Variants in FUT9 observed in about 807,000 individuals in gnomAD.
FUT9 encodes fucosyltransferase 9.
A neutral mutation model predicts 29.7 loss-of-function variants in FUT9; 15 were observed. That is an observed-to-expected ratio of 0.51 (90% CI 0.34 to 0.78). The LOEUF (loss-of-function observed/expected upper bound fraction) is 0.78. FUT9 is among the 30% of genes least tolerant of loss of function. The pLI is 0.01. For synonymous variants in FUT9, 169 were observed against 153.7 expected, an observed-to-expected ratio of 1.10 and a Z score of -0.74; for missense variants, 319 against 425.4, an observed-to-expected ratio of 0.75 and a Z score of 2.20.
At chr6:96,128,239 C>A (rs1410855017) in intron 2 of FUT9, among the ~76,000 whole-genome samples, 2 of 151,912 alleles carry the variant, frequency 1.3e-5, no homozygotes, top group Non-Finnish European at 2.9e-5. Flanking sequence ...AATGTTCCCC[C>A]CAAAATTAGA....
At chr6:96,145,302 C>T (rs993415065) in intron 2 of FUT9, among the ~76,000 whole-genome samples, 6 of 152,064 alleles carry the variant, frequency 3.9e-5, no homozygotes, top group East Asian at 1.9e-4. Flanking sequence ...GTGATCCGCC[C>T]GCCTCGGCCT....
At chr6:96,133,991 G>C (rs1772300047) in intron 2 of FUT9, among the ~76,000 whole-genome samples, 3 of 151,532 alleles carry the variant, frequency 2.0e-5, no homozygotes, top group African/African-American at 4.8e-5. Context: ...ATATCCTTAA[G>C]TACTTCTTTT....
chr6:96,153,881 G>A (rs1434287479), intron 2 of FUT9, among the ~76,000 whole-genome samples: 1 of 152,120 alleles, frequency 6.6e-6, no homozygotes, highest in Non-Finnish European at 1.5e-5. Context: ...CTTTTGCTAA[G>A]TAATGGCCAG....
intron 2 of FUT9, among the ~76,000 whole-genome samples, chr6:96,160,964 G>A (rs913568940): frequency 2.0e-5 from 3 of 152,212 alleles, no homozygotes; most frequent in Middle Eastern, 3.4e-3. Flanking sequence ...TTTTGAAAAC[G>A]TGAATTGTAA....
rs546603533 is a variant in FUT9 at position 96,193,842 on chromosome 6, G to T, written c.-8-9306G>T. 2.6e-4 allele frequency among the ~76,000 whole-genome samples: 40 copies of T among 152,284 alleles called. 1 individual carries two copies. Among genetic ancestry groups the T allele is most frequent in the Admixed American group, 1.9e-3 (29 of 15,302 alleles). On this transcript the variant is annotated intron_variant, in intron 2 of 2. Coordinates refer to ENST00000302103, the MANE Select transcript of FUT9 (RefSeq NM_006581.4). ...TGATAGACTGGATTAAGAGAATGTG[G>T]CACATATACACCATGGAATACTATG...
Position 96,204,252 on chromosome 6 carries a change from C to A in FUT9, c.*17C>A. 1 of 1,412,174 alleles carries A rather than the reference C, an allele frequency of 7.1e-7. No homozygotes were observed. The allele number at this position is 1,412,174 out of a possible 1,614,324, so 87.5% of individuals were successfully genotyped here. On this transcript the variant is annotated 3_prime_UTR_variant, in exon 3 of 3. Transcript: ENST00000302103. ...TGGAATTAAAATTTTTCATCACTTG[C>A]ACACTTGATAAATATTTTGATGAGA... is the stretch of plus-strand genomic sequence containing the variant.
chr6:96,081,930 A>T (rs72927938), intron 1 of FUT9, among the ~76,000 whole-genome samples: 1 of 151,754 alleles, frequency 6.6e-6, no homozygotes, highest in Non-Finnish European at 1.5e-5. Context: ...AATGCAGTTG[A>T]GCAATTTTTC....
rs1208413862 is a variant in FUT9 at position 96,203,231 on chromosome 6, C to T, written c.76C>T (p.Leu26Phe). The T allele has an allele frequency of 6.2e-7, 1 of 1,613,146 alleles. No homozygotes were observed. Among genetic ancestry groups the T allele is most frequent in the Admixed American group, 1.7e-5 (1 of 59,976 alleles). Reference sequence around the variant, plus strand: ...TATCCTGGGCTGTTTCATGGCATGTCTTCTCATTTACATCAAACCTACCAA... The same window carrying T: ...TATCCTGGGCTGTTTCATGGCATGTTTTCTCATTTACATCAAACCTACCAA... ...CIILGCFMACLLIYIKPTNSW... is the reference protein window; with the variant it reads ...CIILGCFMACFLIYIKPTNSW... The change falls in exon 3 of 3, where the codon CTT (leucine) becomes TTT (phenylalanine). Residue 26 changes from leucine (L) to phenylalanine (F), a missense_variant. Leu to Phe is a conservative substitution (Grantham distance 22). Transcript: ENST00000302103.
At chr6:96,075,624 A>G (rs1771131662) in intron 1 of FUT9, among the ~76,000 whole-genome samples, 1 of 152,210 alleles carries the variant, frequency 6.6e-6, no homozygotes, top group Non-Finnish European at 1.5e-5. Context: ...ACGGACTTGG[A>G]TCTTCTTATA....
intron 1 of FUT9, among the ~76,000 whole-genome samples, chr6:96,088,606 G>T (rs749363655): frequency 5.9e-5 from 9 of 151,418 alleles, no homozygotes; most frequent in Non-Finnish European, 1.2e-4. Context: ...AGTTTCTATT[G>T]TATTATCATC....
chr6:96,018,045 A>T (rs1488311494), intron 1 of FUT9, among the ~76,000 whole-genome samples: 1 of 152,182 alleles, frequency 6.6e-6, no homozygotes, highest in Non-Finnish European at 1.5e-5. Context: ...TCCACTGACA[A>T]GGGGTGGTTT....
At chr6:96,071,369 G>C in intron 1 of FUT9, among the ~76,000 whole-genome samples, 1 of 152,174 alleles carries the variant, frequency 6.6e-6, no homozygotes, top group Admixed American at 6.5e-5. Context: ...CTGGGAGGTA[G>C]TTATTATGGA....
intron 2 of FUT9, among the ~76,000 whole-genome samples, chr6:96,178,590 A>T (rs1773247980): frequency 6.6e-6 from 1 of 152,150 alleles, no homozygotes; most frequent in South Asian, 2.1e-4. Context: ...TAGTCAACAT[A>T]AGACTTGAAA....
intron 1 of FUT9, among the ~76,000 whole-genome samples, chr6:96,086,588 T>G (rs191444833): frequency 7.0e-4 from 106 of 152,332 alleles, no homozygotes; most frequent in African/African-American, 2.5e-3. Context: ...CTCCTATATT[T>G]TCTTCCATTA....
chr6:96,162,414 A>G (rs1772929077), intron 2 of FUT9, among the ~76,000 whole-genome samples: 1 of 152,164 alleles, frequency 6.6e-6, no homozygotes, highest in South Asian at 2.1e-4. Context: ...CCTCTCTTCT[A>G]GGTATTGGAA....
At chr6:96,175,294 A>G (rs1197850691) in intron 2 of FUT9, among the ~76,000 whole-genome samples, 1 of 152,180 alleles carries the variant, frequency 6.6e-6, no homozygotes, top group East Asian at 1.9e-4. Context: ...CCTTCCCAGT[A>G]GAACATTTAG....
intron 2 of FUT9, among the ~76,000 whole-genome samples, chr6:96,200,054 G>A (rs1773700447): frequency 6.6e-6 from 1 of 152,112 alleles, no homozygotes; most frequent in Non-Finnish European, 1.5e-5. Flanking sequence ...AGTATTTTGT[G>A]CCATTAACTC....
chr6:96,102,761 A>C (rs1390959904), intron 1 of FUT9, among the ~76,000 whole-genome samples: 1 of 152,190 alleles, frequency 6.6e-6, no homozygotes, highest in East Asian at 1.9e-4. Flanking sequence ...TTTGATACCC[A>C]CATCAAATAT....
At chr6:96,066,717 G>A (rs1312434276) in intron 1 of FUT9, among the ~76,000 whole-genome samples, 1 of 151,726 alleles carries the variant, frequency 6.6e-6, no homozygotes, top group African/African-American at 2.4e-5. Context: ...AAAAATCTTT[G>A]TATAACTCAT....
Sources: gnomAD v4.1 joint callset for allele counts (sites outside exome capture counted in the v4.1 genomes callset) on GRCh38, gnomAD v4.1.1 for gene constraint, MANE v1.5 for transcripts, NCBI Gene and HGNC (gene_info 2026-07-23, HGNC 2026-07-21) for gene names.